Variants in IPO11 observed in about 807,000 individuals in gnomAD.
IPO11 encodes the protein importin-11.
Under a neutral mutation model 143.2 loss-of-function variants are expected in IPO11, and 66 were observed. The ratio of observed to expected loss-of-function variants is 0.46; its 90% CI spans 0.38 to 0.57. The LOEUF (loss-of-function observed/expected upper bound fraction) is 0.57, where lower values mean the gene tolerates loss of function less well. Ranked by LOEUF, IPO11 falls within the 20% of genes least tolerant of loss-of-function variation. The pLI is 0.00. For missense variants in IPO11, 1,026 were observed against 1,141.0 expected (o/e 0.90, Z 1.45); for synonymous variants, 385 against 377.8 (o/e 1.02, Z -0.22).
chr5:62,491,251 A>C (rs1230642903), intron 15 of IPO11, among the ~76,000 whole-genome samples: 1 of 152,208 alleles, frequency 6.6e-6, no homozygotes, highest in Non-Finnish European at 1.5e-5. Flanking sequence ...AGTAATTCTT[A>C]ACAGTAAGTA....
At chr5:62,530,954 G>A (rs1334993069) in intron 22 of IPO11, among the ~76,000 whole-genome samples, 169 bp downstream of exon 22, 1 of 152,190 alleles carries the variant, frequency 6.6e-6, no homozygotes, top group African/African-American at 2.4e-5. Context: ...TGATGTTGAG[G>A]TTTGGGGTAC....
chr5:62,583,402 A>T (rs754336918), intron 27 of IPO11, among the ~76,000 whole-genome samples: 3 of 152,176 alleles, frequency 2.0e-5, no homozygotes, highest in Non-Finnish European at 4.4e-5. Flanking sequence ...AAGTATTTTT[A>T]TCTTAAAATT....
chr5:62,620,335 C>T (rs1321957462), intron 29 of IPO11, among the ~76,000 whole-genome samples: 1 of 151,916 alleles, frequency 6.6e-6, no homozygotes, highest in African/African-American at 2.4e-5. Context: ...CTGGCTAACA[C>T]GGTGAAACCC....
chr5:62,460,401 C>A (rs894392843), intron 5 of IPO11, among the ~76,000 whole-genome samples: 2 of 152,082 alleles, frequency 1.3e-5, no homozygotes, highest in Admixed American at 6.6e-5. Flanking sequence ...GATTAATATA[C>A]CTTGCTGATT....
intron 2 of IPO11, among the ~76,000 whole-genome samples, chr5:62,440,186 A>T (rs1744414863): frequency 6.6e-6 from 1 of 152,192 alleles, no homozygotes; most frequent in Non-Finnish European, 1.5e-5. Context: ...ATGTGGTAAA[A>T]GAAGTGCATG....
intron 1 of IPO11, among the ~76,000 whole-genome samples, chr5:62,427,084 C>A (rs1332308475): frequency 8.6e-5 from 13 of 151,558 alleles, no homozygotes; most frequent in African/African-American, 3.1e-4. Context: ...ATTACAGGCG[C>A]CCGCCACCAC....
chr5:62,452,642 C>A (rs1744975283), intron 5 of IPO11, among the ~76,000 whole-genome samples: 2 of 141,564 alleles, frequency 1.4e-5, no homozygotes, highest in Admixed American at 1.4e-4. Flanking sequence ...TTTTTTGCAC[C>A]TTTTTTTTGG....
Position 62,555,725 on chromosome 5 carries a change from G to A in IPO11, c.2460+4389G>A, listed in dbSNP as rs187363599. Among the ~76,000 whole-genome samples, 670 of 152,124 alleles carry A rather than the reference G, an allele frequency of 4.4e-3. 7 individuals are homozygous for A. The highest frequency in any genetic ancestry group is 0.016 in the African/African-American group (646 of 41,496). On this transcript the variant is annotated intron_variant, in intron 26 of 29. Transcript: ENST00000325324. The stretch of plus-strand genomic sequence containing the variant: ...TCACCATGTTAGCCAAGATGGTCTT[G>A]ATCTCCTGACCTCGTGATCCGCCTG...
At chr5:62,533,645 A>C (rs1742634091) in intron 22 of IPO11, among the ~76,000 whole-genome samples, 1 of 152,208 alleles carries the variant, frequency 6.6e-6, no homozygotes, top group Non-Finnish European at 1.5e-5. Context: ...CTTTTAAGCT[A>C]TCTGTTTATT....
chr5:62,626,678 T>TC (rs765292892), intron 29 of IPO11, among the ~76,000 whole-genome samples: 107 of 151,548 alleles, frequency 7.1e-4, no homozygotes, highest in East Asian at 4.1e-3. Flanking sequence ...TTTTTTTTTT[T>TC]CAGCCAGAAG....
At chr5:62,597,673 A>T (rs1308391493) in intron 28 of IPO11, among the ~76,000 whole-genome samples, 1 of 152,216 alleles carries the variant, frequency 6.6e-6, no homozygotes, top group East Asian at 1.9e-4. Flanking sequence ...CTGAACTTAA[A>T]ATGTGTGAGG....
chr5:62,470,176 T>C, intron 6 of IPO11, 74 bp from the exon 7 acceptor site: 4 of 1,420,602 alleles, frequency 2.8e-6, no homozygotes, highest in Non-Finnish European at 4.0e-6. Context: ...GTTTTGCAAT[T>C]CTGAATCTTT....
At chr5:62,508,578 CCCTT>C (rs1386728697) in intron 19 of IPO11, among the ~76,000 whole-genome samples, 1 of 151,626 alleles carries the variant, frequency 6.6e-6, no homozygotes, top group African/African-American at 2.4e-5. Context: ...CTTTCTTCCT[CCCTT>C]CCTCCTTTCC....
intron 1 of IPO11, among the ~76,000 whole-genome samples, chr5:62,422,882 T>C (rs541379863): frequency 1.3e-5 from 2 of 152,300 alleles, no homozygotes; most frequent in East Asian, 3.9e-4. Context: ...TTTGTCTTTT[T>C]AGTTAATCGA....
chr5:62,580,556 G>C, intron 27 of IPO11: 2 of 1,551,386 alleles, frequency 1.3e-6, no homozygotes, highest in East Asian at 4.9e-5. Context: ...CTTCGAGACT[G>C]GCTAGCATCT....
chr5:62,485,700 A>G (rs1746372677), intron 12 of IPO11, among the ~76,000 whole-genome samples: 1 of 151,948 alleles, frequency 6.6e-6, no homozygotes, highest in African/African-American at 2.4e-5. Flanking sequence ...GGAAAAAAAA[A>G]TTAGACCAGA....
chr5:62,527,282 A>G (rs1742399486), intron 21 of IPO11, among the ~76,000 whole-genome samples: 1 of 152,242 alleles, frequency 6.6e-6, no homozygotes, highest in South Asian at 2.1e-4. Context: ...GCAAACTTGT[A>G]CTAGACAGGA....
At chr5:62,470,342 G>C (rs1745720676) in intron 7 of IPO11, 34 bp downstream of exon 7, 1 of 1,583,084 alleles carries the variant, frequency 6.3e-7, no homozygotes. Context: ...GTGACTTTGG[G>C]AAAGTGGTAT....
In IPO11 at chr5:62,600,657, A is replaced by G. The variant is rs192688987; in HGVS notation, c.2679-1107A>G. ...ATTTTCTTACTTTGTGTCAGAGTCC[A>G]TTGGCCAGCTACTTGTACTACACTG... On this transcript the variant is annotated intron_variant, in intron 28 of 29. Transcript: ENST00000325324. Among the ~76,000 whole-genome samples the G allele has an allele frequency of 5.9e-5, 9 of 152,218 alleles. No individual in the cohort carries two copies. In the East Asian group the frequency reaches 1.5e-3, roughly 26 times the overall value.
Sources: gnomAD v4.1 joint callset for allele counts (sites outside exome capture counted in the v4.1 genomes callset) on GRCh38, gnomAD v4.1.1 for gene constraint, MANE v1.5 for transcripts, NCBI Gene and HGNC (gene_info 2026-07-23, HGNC 2026-07-21) for gene names.